Variants in PXDNL observed in about 807,000 individuals in gnomAD.
PXDNL encodes the protein probable oxidoreductase PXDNL.
PXDNL carries 145 observed loss-of-function variants against 150.8 expected under a neutral mutation model. That is an observed-to-expected ratio of 0.96 (90% CI 0.84 to 1.10). PXDNL has a LOEUF of 1.10. Ranked by LOEUF, PXDNL falls within the 50% of genes least tolerant of loss-of-function variation. The pLI is 0.00. For missense variants in PXDNL, 2,087 were observed against 1,873.9 expected (o/e 1.11, Z -2.10); for synonymous variants, 757 against 725.7 (o/e 1.04, Z -0.69).
intron 17 of PXDNL, among the ~76,000 whole-genome samples, chr8:51,405,249 GCTC>G (rs1563395803): frequency 6.6e-6 from 1 of 152,214 alleles, no homozygotes; most frequent in Non-Finnish European, 1.5e-5. Flanking sequence ...GGGGTGAAGG[GCTC>G]CTCAACAGCG....
chr8:51,686,026 C>A (rs548593792), intron 1 of PXDNL, among the ~76,000 whole-genome samples: 136 of 152,298 alleles, frequency 8.9e-4, no homozygotes, highest in African/African-American at 3.2e-3. Flanking sequence ...TTCAAATACT[C>A]TTGCCACACT....
At chr8:51,470,991 T>G (rs1810315915) in intron 8 of PXDNL, among the ~76,000 whole-genome samples, 1 of 151,030 alleles carries the variant, frequency 6.6e-6, no homozygotes, top group African/African-American at 2.4e-5. Flanking sequence ...AAATGGGATC[T>G]AGTTAAACTA....
At chr8:51,453,400 A>C in intron 10 of PXDNL, 119 bp downstream of exon 10, 1 of 1,139,088 alleles carries the variant, frequency 8.8e-7, no homozygotes, top group Non-Finnish European at 1.2e-6. Flanking sequence ...ATTGTGTCAA[A>C]AAATAATTGG....
At chr8:51,390,782 A>T (rs1328308642) in intron 17 of PXDNL, among the ~76,000 whole-genome samples, 4 of 151,832 alleles carry the variant, frequency 2.6e-5, no homozygotes, top group Non-Finnish European at 4.4e-5. Context: ...TTTAGGGTAC[A>T]TGTGCACAAT....
At chr8:51,549,639 A>G (rs1169586746) in intron 4 of PXDNL, among the ~76,000 whole-genome samples, 1 of 152,132 alleles carries the variant, frequency 6.6e-6, no homozygotes, top group Non-Finnish European at 1.5e-5. Context: ...CTGAATGATG[A>G]TAGTGACACA....
At chr8:51,622,603 C>T (rs563156339) in intron 2 of PXDNL, among the ~76,000 whole-genome samples, 7 of 152,168 alleles carry the variant, frequency 4.6e-5, no homozygotes, top group African/African-American at 7.2e-5. Context: ...AAAGTGACTG[C>T]GTGATAACAT....
intron 17 of PXDNL, among the ~76,000 whole-genome samples, chr8:51,396,948 A>G (rs1162319382): frequency 6.6e-6 from 1 of 152,186 alleles, no homozygotes; most frequent in Non-Finnish European, 1.5e-5. Context: ...TGAAACCTGT[A>G]AACTTATTTG....
intron 3 of PXDNL, among the ~76,000 whole-genome samples, chr8:51,559,330 A>AACCCC (rs1812664794): frequency 3.1e-5 from 3 of 98,064 alleles, no homozygotes; most frequent in Non-Finnish European, 7.1e-5. Flanking sequence ...TTTCTTCCAA[A>AACCCC]CCCCCCCCCC....
At chr8:51,733,204 G>C (rs1816967101) in intron 1 of PXDNL, among the ~76,000 whole-genome samples, 1 of 152,188 alleles carries the variant, frequency 6.6e-6, no homozygotes, top group Non-Finnish European at 1.5e-5. Flanking sequence ...AAACCCTGTA[G>C]TGACCTTACT....
At chr8:51,377,105 T>TACACACAC (rs772419401) in intron 17 of PXDNL, among the ~76,000 whole-genome samples, 16,208 of 140,546 alleles carry the variant, frequency 0.12, 1,159 homozygotes, top group South Asian at 0.2. Context: ...CTCTACCCTT[T>TACACACAC]ACACACACAC....
intron 4 of PXDNL, among the ~76,000 whole-genome samples, chr8:51,536,316 C>A (rs193003358): frequency 2.0e-5 from 3 of 152,324 alleles, no homozygotes; most frequent in East Asian, 3.9e-4. Context: ...GACTATGAGG[C>A]CTTGTTTTTT....
chr8:51,360,736 T>A (rs1296923568), intron 19 of PXDNL, among the ~76,000 whole-genome samples: 1 of 152,222 alleles, frequency 6.6e-6, no homozygotes, highest in African/African-American at 2.4e-5. Flanking sequence ...ATCGCTAAGT[T>A]TTGGCCAATC....
intron 1 of PXDNL, among the ~76,000 whole-genome samples, chr8:51,680,952 G>C (rs763417046): frequency 2.0e-5 from 3 of 150,082 alleles, no homozygotes; most frequent in Non-Finnish European, 4.4e-5. Flanking sequence ...GAAGACCAGG[G>C]TTTTGGGATT....
intron 5 of PXDNL, among the ~76,000 whole-genome samples, chr8:51,485,480 CCTG>C (rs745479093): frequency 6.6e-6 from 1 of 152,120 alleles, no homozygotes; most frequent in Non-Finnish European, 1.5e-5. Flanking sequence ...TAGCAAGAAC[CCTG>C]CTGCTAAGTT....
At chr8:51,563,565 G>A (rs1271453710) in intron 3 of PXDNL, among the ~76,000 whole-genome samples, 3 of 151,940 alleles carry the variant, frequency 2.0e-5, no homozygotes, top group Admixed American at 1.3e-4. Flanking sequence ...AGAAAAGAAT[G>A]AGTAACAGAG....
intron 2 of PXDNL, among the ~76,000 whole-genome samples, chr8:51,631,038 C>T (rs1268719313): frequency 1.3e-5 from 2 of 151,974 alleles, no homozygotes; most frequent in Admixed American, 6.6e-5. Flanking sequence ...CTTAAAAGGC[C>T]ATCAACGGTA....
At chr8:51,700,427 C>A (rs1299167319) in intron 1 of PXDNL, among the ~76,000 whole-genome samples, 1 of 150,088 alleles carries the variant, frequency 6.7e-6, no homozygotes. Context: ...ATATGCACAC[C>A]CATATGCACA....
chr8:51,498,470 G>A (rs569382904), intron 5 of PXDNL, among the ~76,000 whole-genome samples: 1 of 151,808 alleles, frequency 6.6e-6, no homozygotes, highest in African/African-American at 2.4e-5. Context: ...TTAATATAAG[G>A]TATTAGAAAA....
chr8:51,429,687 CTTT>C (rs5891411), intron 12 of PXDNL, among the ~76,000 whole-genome samples: 7 of 125,346 alleles, frequency 5.6e-5, no homozygotes, highest in Admixed American at 8.1e-5. Context: ...TTTTTCCTTT[CTTT>C]TTTTTTTTTT....
Sources: allele counts gnomAD v4.1 joint callset (sites outside exome capture counted in the v4.1 genomes callset), GRCh38; gene constraint gnomAD v4.1.1; transcripts MANE v1.5; gene names NCBI Gene and HGNC (gene_info 2026-07-23, HGNC 2026-07-21).